Variants in GRIA3 observed in about 807,000 individuals in gnomAD.
GRIA3 encodes the protein glutamate ionotropic receptor AMPA type subunit 3.
GRIA3 carries 3 observed loss-of-function variants against 63.0 expected under a neutral mutation model. The ratio of observed to expected loss-of-function variants is 0.05; its 90% confidence interval spans 0.02 to 0.12. The LOEUF is 0.12. Ranked by LOEUF, GRIA3 falls within the 10% of genes least tolerant of loss-of-function variation. The probability of loss-of-function intolerance (pLI) is 1.00; values close to 1 mark genes in which losing one functional copy is unlikely to be tolerated. For synonymous variants in GRIA3, 274 were observed against 257.9 expected, an observed-to-expected ratio of 1.06 and a Z score of -0.60; for missense variants, 347 against 700.9, an observed-to-expected ratio of 0.50 and a Z score of 5.70.
At chrX:123,460,716 TTTTTACATTA>T (rs780927843) in intron 12 of GRIA3, among the ~76,000 whole-genome samples, 75 of 112,011 alleles carry the variant, frequency 6.7e-4, no homozygotes, top group African/African-American at 2.1e-3. Context: ...TACACAGGTG[TTTTTACATTA>T]TTTTTATATC....
At chrX:123,424,936 T>A (rs1323410867) in intron 11 of GRIA3, among the ~76,000 whole-genome samples, 1 of 111,749 alleles carries the variant, frequency 8.9e-6, no homozygotes, top group Non-Finnish European at 1.9e-5. Flanking sequence ...TAAACTACCA[T>A]TAGTATTCAC....
chrX:123,360,877 A>T (rs1319329320), intron 5 of GRIA3, among the ~76,000 whole-genome samples: 37 of 102,485 alleles, frequency 3.6e-4, no homozygotes, highest in African/African-American at 1.1e-3. Context: ...ACACACACAC[A>T]CACACACACA....
intron 10 of GRIA3, among the ~76,000 whole-genome samples, chrX:123,410,537 G>A (rs2045499247): frequency 1.8e-5 from 2 of 111,953 alleles, no homozygotes; most frequent in South Asian, 7.5e-4. Context: ...GCTCTGCCTA[G>A]AAGAAATTAT....
At position 123,264,934 on chromosome X, in the gene GRIA3, A is replaced by G. The variant is rs553400181; in HGVS notation, c.508+11392A>G. On this transcript the variant is annotated intron_variant, in intron 3 of 15. Coordinates refer to ENST00000620443, the MANE Select transcript of GRIA3 (RefSeq NM_007325.5). ...GTTCCAGGCCCCCAACTCTGCCACT[A>G]AGTAGCTGTGTAATCCTGGGCAAGT... is the stretch of plus-strand genomic sequence containing the variant. Among the ~76,000 whole-genome samples, 172 of 111,612 alleles carry G rather than the reference A, an allele frequency of 1.5e-3. 1 individual carries two copies. Among genetic ancestry groups the G allele is most frequent in the African/African-American group, 5.1e-3 (157 of 30,741 alleles).
intron 14 of GRIA3, among the ~76,000 whole-genome samples, chrX:123,481,506 T>C (rs1223892928): frequency 8.9e-6 from 1 of 111,956 alleles, no homozygotes; most frequent in East Asian, 2.8e-4. Context: ...TCTTTACTTT[T>C]AATTATTTAA....
chrX:123,332,163 C>G (rs772872639), intron 4 of GRIA3, among the ~76,000 whole-genome samples: 1 of 99,935 alleles, frequency 1.0e-5, no homozygotes, highest in African/African-American at 3.5e-5. Context: ...GTTAGAAAAC[C>G]TCTCTGGTTT....
At chrX:123,331,449 GCTCACA>G (rs2044941540) in intron 4 of GRIA3, among the ~76,000 whole-genome samples, 1 of 111,663 alleles carries the variant, frequency 9.0e-6, no homozygotes, top group Admixed American at 9.5e-5. Flanking sequence ...AGGGGAGAGT[GCTCACA>G]CTTCAAAATA....
chrX:123,405,125 T>C (rs773830241), intron 10 of GRIA3, among the ~76,000 whole-genome samples: 1 of 112,308 alleles, frequency 8.9e-6, no homozygotes, highest in East Asian at 2.8e-4. Context: ...AAAAGGAAAA[T>C]AGAATTGGGG....
chrX:123,249,211 G>A (rs2044376126), intron 2 of GRIA3, among the ~76,000 whole-genome samples: 1 of 112,210 alleles, frequency 8.9e-6, no homozygotes, highest in South Asian at 3.7e-4. Flanking sequence ...TCAGACCAGT[G>A]AAACTCTGTT....
intron 5 of GRIA3, among the ~76,000 whole-genome samples, chrX:123,380,355 A>G (rs2045315659): frequency 8.9e-6 from 1 of 112,090 alleles, no homozygotes; most frequent in African/African-American, 3.2e-5. Context: ...GTGAGATGGT[A>G]TCTCATTGTG....
chrX:123,226,309 A>G (rs1464654179), intron 2 of GRIA3, among the ~76,000 whole-genome samples: 1 of 111,878 alleles, frequency 8.9e-6, no homozygotes, highest in Non-Finnish European at 1.9e-5. Flanking sequence ...AACTAGAATT[A>G]TTTTTGTATA....
At chrX:123,447,866 A>C (rs1300674637) in intron 12 of GRIA3, among the ~76,000 whole-genome samples, 1 of 112,107 alleles carries the variant, frequency 8.9e-6, no homozygotes, top group Non-Finnish European at 1.9e-5. Flanking sequence ...TCAATTATTC[A>C]ACCCATCTCT....
intron 5 of GRIA3, among the ~76,000 whole-genome samples, chrX:123,360,865 A>T (rs1408359408): frequency 0.23 from 15,120 of 66,063 alleles, 1,579 homozygotes; most frequent in Middle Eastern, 0.34. Context: ...TCACACACAC[A>T]CACACACACA....
At chrX:123,273,638 G>A (rs1209941006) in intron 3 of GRIA3, among the ~76,000 whole-genome samples, 1 of 111,670 alleles carries the variant, frequency 9.0e-6, no homozygotes, top group Non-Finnish European at 1.9e-5. Context: ...GACCTATCAG[G>A]CATTGTGGCC....
At position 123,463,700 on chromosome X, in the gene GRIA3, AAAAGAAAG is replaced by A. The variant is rs151193852; in HGVS notation, c.2077-1147_2077-1140del. Among the ~76,000 whole-genome samples, 133 of 71,125 alleles carry A rather than the reference AAAAGAAAG, an allele frequency of 1.9e-3. 5 individuals carry two copies. Among genetic ancestry groups the A allele is most frequent in the South Asian group, 6.6e-3 (9 of 1,373 alleles). The allele number at this position is 71,125 out of a possible 115,157, so 61.8% of individuals were successfully genotyped here. ...AGAAAGAAAGAGAGAGAAAGAAAGAAAAAGAAAGAAAGAAAGAAAGAAAGAGAAAGAAG... is the reference window on the plus strand; with the variant it reads ...AGAAAGAAAGAGAGAGAAAGAAAGAAAAAGAAAGAAAGAAAGAGAAAGAAG... On this transcript the variant is annotated intron_variant, in intron 12 of 15. Transcript: ENST00000620443.
At chrX:123,288,410 A>G (rs982249682) in intron 3 of GRIA3, among the ~76,000 whole-genome samples, 5 of 112,742 alleles carry the variant, frequency 4.4e-5, no homozygotes, top group African/African-American at 1.6e-4. Flanking sequence ...GCCAGAATTG[A>G]CAAATGGGAT....
At chrX:123,306,223 C>A (rs1163581314) in intron 3 of GRIA3, among the ~76,000 whole-genome samples, 1 of 111,819 alleles carries the variant, frequency 8.9e-6, no homozygotes, top group Admixed American at 9.5e-5. Flanking sequence ...AGTCACTACT[C>A]TAGCTTTATC....
intron 2 of GRIA3, among the ~76,000 whole-genome samples, chrX:123,218,438 A>AT (rs1193249972): frequency 1.8e-5 from 2 of 111,370 alleles, no homozygotes; most frequent in East Asian, 5.6e-4. Context: ...AATGATGCTG[A>AT]TTTTTTTGTT....
chrX:123,227,600 A>G (rs1343641140), intron 2 of GRIA3, among the ~76,000 whole-genome samples: 2 of 111,422 alleles, frequency 1.8e-5, no homozygotes, highest in Admixed American at 1.9e-4. Context: ...CAGGCCTAGA[A>G]TTGAAAATCA....
Sources: gnomAD v4.1 joint callset for allele counts (sites outside exome capture counted in the v4.1 genomes callset) on GRCh38, gnomAD v4.1.1 for gene constraint, MANE v1.5 for transcripts, NCBI Gene and HGNC (gene_info 2026-07-23, HGNC 2026-07-21) for gene names.